The following RYR2 variants were observed in gnomAD, a reference collection of about 807,000 sequenced individuals.
The protein encoded by RYR2 is ryanodine receptor 2.
In RYR2, 227 loss-of-function variants were observed where a neutral mutation model predicts 601.1. The observed-to-expected ratio is 0.38, with a 90% CI of 0.34 to 0.42. RYR2 has a LOEUF of 0.42. Among genes scored for constraint, RYR2 ranks in the 10% least tolerant of loss-of-function variants. The probability of loss-of-function intolerance (pLI) is 1.00; values close to 1 mark genes in which losing one functional copy is unlikely to be tolerated. For synonymous variants in RYR2, 2,223 were observed against 2,175.1 expected (o/e 1.02, Z -0.61); for missense variants, 4,646 against 6,156.5 (o/e 0.75, Z 8.21).
chr1:237,658,985 T>C (rs1270243003), intron 54 of RYR2, among the ~76,000 whole-genome samples: 1 of 152,224 alleles, frequency 6.6e-6, no homozygotes, highest in Non-Finnish European at 1.5e-5. Flanking sequence ...TTGAGCTTAG[T>C]CTAAACTTGA....
chr1:237,783,643 AT>A (rs1181152288), intron 89 of RYR2, 31 bp from the exon 90 acceptor site: 3 of 1,406,372 alleles, frequency 2.1e-6, no homozygotes, highest in Non-Finnish European at 2.9e-6. Flanking sequence ...TTGTTAGTTT[AT>A]TTTAAACAAA....
chr1:237,319,081 T>C (rs891962727), intron 2 of RYR2, among the ~76,000 whole-genome samples: 1 of 152,166 alleles, frequency 6.6e-6, no homozygotes. Flanking sequence ...CAATCTGCAA[T>C]TGAACCTCTT....
At chr1:237,408,442 G>A (rs1704127533) in intron 10 of RYR2, among the ~76,000 whole-genome samples, 1 of 125,252 alleles carries the variant, frequency 8.0e-6, no homozygotes, top group Non-Finnish European at 1.6e-5. Context: ...TATTTGGGGA[G>A]AATGTCCATT....
intron 67 of RYR2, 132 bp downstream of exon 67, chr1:237,705,475 T>A (rs768113020): frequency 1.9e-4 from 140 of 751,916 alleles, no homozygotes; most frequent in Non-Finnish European, 2.6e-4. Flanking sequence ...TAAATGTTAT[T>A]GTTTGGTATT....
At chr1:237,241,713 G>C (rs1686188833) in intron 1 of RYR2, among the ~76,000 whole-genome samples, 1 of 152,200 alleles carries the variant, frequency 6.6e-6, no homozygotes, top group Admixed American at 6.5e-5. Flanking sequence ...TTATTCATGA[G>C]TTTTCCAGGA....
chr1:237,418,051 T>A (rs1009653850), intron 11 of RYR2, among the ~76,000 whole-genome samples: 1 of 152,088 alleles, frequency 6.6e-6, no homozygotes, highest in African/African-American at 2.4e-5. Context: ...TTAATTTATT[T>A]ATTTATTTTG....
Position 237,269,695 on chromosome 1 carries a change from G to A in RYR2, c.49-802G>A, listed in dbSNP as rs79687616. Among the ~76,000 whole-genome samples the A allele has an allele frequency of 9.9e-3, 1,502 of 152,202 alleles. 25 individuals carry two copies. The highest frequency in any genetic ancestry group is 0.033 in the African/African-American group (1,352 of 41,538). On this transcript the variant is annotated intron_variant, in intron 1 of 104. Coordinates refer to ENST00000366574, the MANE Select transcript of RYR2 (RefSeq NM_001035.3). ...TAAGGTGCTTTATCGGATTTACTTC[G>A]TCATTTTAGAAATTCAGTACTTTGC...
In RYR2 at chr1:237,795,310, G is replaced by A; in HGVS notation, c.13935G>A (p.Trp4645Ter). 7.0e-7 allele frequency: 1 copy of A among 1,425,638 alleles called. No individual in the cohort carries two copies. The highest frequency in any genetic ancestry group is 9.6e-7 in the Non-Finnish European group (1 of 1,037,214). The allele number at this position is 1,425,638 out of a possible 1,614,324, so 88.3% of individuals were successfully genotyped here. Residue 4645 changes from tryptophan to a stop codon, truncating the protein, a stop_gained, in exon 96 of 105, where the codon TGG (tryptophan) becomes TGA (stop). Transcript: ENST00000366574. LOFTEE classifies it high-confidence loss of function. ...TTAGGTCATTTCCCAACAACTACTG[G>A]GACAAATTTGTTAAAAGAAAGGTAA... ...INTQSFPNNY[W>*]DKFVKRKVMD...
intron 2 of RYR2, among the ~76,000 whole-genome samples, chr1:237,313,996 A>T (rs1209707638): frequency 1.4e-5 from 2 of 143,396 alleles, no homozygotes; most frequent in African/African-American, 2.5e-5. Context: ...TGAATAACGT[A>T]ATGGCAGAAT....
intron 12 of RYR2, among the ~76,000 whole-genome samples, chr1:237,434,465 G>A (rs922178354): frequency 3.9e-5 from 6 of 152,208 alleles, no homozygotes; most frequent in Admixed American, 2.0e-4. Context: ...TTTGATAAAT[G>A]TAGATTTTCT....
intron 1 of RYR2, among the ~76,000 whole-genome samples, chr1:237,178,457 TGTGTG>T (rs2148939304): frequency 6.8e-6 from 1 of 147,502 alleles, no homozygotes; most frequent in South Asian, 2.1e-4. Flanking sequence ...TGTGTGTGTG[TGTGTG>T]TGTGTGTTTA....
chr1:237,341,672 G>A (rs570364501), intron 3 of RYR2: 2 of 515,262 alleles, frequency 3.9e-6, no homozygotes, highest in South Asian at 1.4e-5. Context: ...CTGACTGGAG[G>A]GACTGCAAGA....
intron 4 of RYR2, among the ~76,000 whole-genome samples, chr1:237,357,196 A>G (rs1699376860): frequency 6.6e-6 from 1 of 152,134 alleles, no homozygotes; most frequent in Non-Finnish European, 1.5e-5. Flanking sequence ...TAACCGAACT[A>G]CTACTACTTT....
intron 34 of RYR2, among the ~76,000 whole-genome samples, chr1:237,601,477 G>C (rs966294762): frequency 1.4e-4 from 22 of 152,118 alleles, no homozygotes; most frequent in Admixed American, 2.6e-4. Flanking sequence ...AATGGGTATA[G>C]AGTTAACATT....
In RYR2 at chr1:237,123,650, ATTTTTT is replaced by A. The variant is rs869177997; in HGVS notation, c.48+81104_48+81109del. ...TTCTCCTTTGATCCTATCAGTCACT[ATTTTTT>A]TTTTTTTTTTTTTTTTTTTTTTGAG... On this transcript the variant is annotated intron_variant, in intron 1 of 104. Transcript: ENST00000366574. Among the ~76,000 whole-genome samples, 201 of 78,974 alleles carry A rather than the reference ATTTTTT, an allele frequency of 2.5e-3. 2 individuals are homozygous for A. Among genetic ancestry groups the A allele is most frequent in the African/African-American group, 9.9e-3 (195 of 19,790 alleles). 51.8% of individuals were successfully genotyped at this position (78,974 alleles called of 152,430 possible).
chr1:237,392,111 T>C lies in RYR2; in HGVS notation c.773+3928T>C, dbSNP rs182407178. On this transcript the variant is annotated intron_variant, in intron 10 of 104. Coordinates refer to ENST00000366574, the MANE Select transcript of RYR2 (RefSeq NM_001035.3). ...GGAGAGAGCTCATTAGTATTAACTA[T>C]AGTGTCGTAACTTTTTAGTTCTTAT... is the stretch of plus-strand genomic sequence containing the variant. Among the ~76,000 whole-genome samples, 268 of 152,260 alleles carry C rather than the reference T, an allele frequency of 1.8e-3. 2 individuals carry two copies. The highest frequency in any genetic ancestry group is 6.3e-3 in the African/African-American group (260 of 41,580).
At chr1:237,399,484 A>G (rs1179181377) in intron 10 of RYR2, among the ~76,000 whole-genome samples, 2 of 152,170 alleles carry the variant, frequency 1.3e-5, no homozygotes, top group Non-Finnish European at 2.9e-5. Context: ...AGTGTTGGAT[A>G]TAAAATACTC....
chr1:237,097,553 T>C (rs1457320390), intron 1 of RYR2, among the ~76,000 whole-genome samples: 7 of 152,214 alleles, frequency 4.6e-5, no homozygotes, highest in Admixed American at 2.0e-4. Context: ...TACCTATTCC[T>C]GTTTCTCAGG....
chr1:237,483,455 G>A (rs1662340827), intron 17 of RYR2, among the ~76,000 whole-genome samples: 2 of 152,174 alleles, frequency 1.3e-5, no homozygotes, highest in South Asian at 4.1e-4. Flanking sequence ...GGAGCACAGA[G>A]ATGTTAAATA....
Sources: gnomAD v4.1 joint callset for allele counts (sites outside exome capture counted in the v4.1 genomes callset) on GRCh38, gnomAD v4.1.1 for gene constraint, MANE v1.5 for transcripts, NCBI Gene and HGNC (gene_info 2026-07-23, HGNC 2026-07-21) for gene names.